PCDHGA2: variants seen among roughly 807,000 people sequenced by gnomAD.
The protein encoded by PCDHGA2 is protocadherin gamma subfamily A, 2.
PCDHGA2 carries 40 observed loss-of-function variants against 59.2 expected under a neutral mutation model. The ratio of observed to expected loss-of-function variants is 0.68; its 90% confidence interval spans 0.52 to 0.88. The LOEUF (loss-of-function observed/expected upper bound fraction) is 0.88, where lower values mean the gene tolerates loss of function less well. Ranked by LOEUF, PCDHGA2 falls within the 40% of genes least tolerant of loss-of-function variation. The probability of loss-of-function intolerance (pLI) is 0.00; values close to 1 mark genes in which losing one functional copy is unlikely to be tolerated. For synonymous variants in PCDHGA2, 560 were observed against 526.0 expected (o/e 1.06, Z -0.89); for missense variants, 1,226 against 1,204.0 (o/e 1.02, Z -0.27).
chr5:141,443,163 T>C (rs1054542792), intron 1 of PCDHGA2, among the ~76,000 whole-genome samples: 3 of 152,172 alleles, frequency 2.0e-5, no homozygotes, highest in Non-Finnish European at 4.4e-5. Context: ...TTTATTTCCC[T>C]ACCCATGTCC....
rs375476706 is a variant in PCDHGA2, at chr5:141,351,961, C to T, written c.2424+10566C>T. ...TGTACCCCGCGCTGGGGCCTGATGG[C>T]TCCGCCCTCTTCGATATGGTGCCAC... is the stretch of plus-strand genomic sequence containing the variant. On this transcript the variant is annotated intron_variant, in intron 1 of 3. Transcript: ENST00000394576. The T allele has an allele frequency of 5.8e-4, 931 of 1,612,866 alleles. 2 individuals are homozygous for T. Among genetic ancestry groups the T allele is most frequent in the Middle Eastern group, 2.9e-3 (17 of 5,916 alleles).
intron 1 of PCDHGA2, chr5:141,422,864 AC>A (rs2096680510): frequency 1.9e-6 from 3 of 1,614,190 alleles, no homozygotes; most frequent in Non-Finnish European, 2.5e-6. Flanking sequence ...CTCAGCAGCA[AC>A]GTGTCGCTGA....
At chr5:141,400,440 A>G (rs1351638844) in intron 1 of PCDHGA2, 2 of 1,614,094 alleles carry the variant, frequency 1.2e-6, no homozygotes, top group Non-Finnish European at 1.7e-6. Context: ...AATTGAGTTC[A>G]GGACAAGACA....
At chr5:141,498,863 G>A (rs1311199561) in intron 2 of PCDHGA2, among the ~76,000 whole-genome samples, 2 of 151,466 alleles carry the variant, frequency 1.3e-5, no homozygotes, top group South Asian at 2.1e-4. Context: ...AACCCAGGAG[G>A]CGGAGGTTGC....
intron 1 of PCDHGA2, among the ~76,000 whole-genome samples, chr5:141,386,387 C>T (rs1416257552): frequency 6.6e-6 from 1 of 152,092 alleles, no homozygotes; most frequent in Admixed American, 6.5e-5. Context: ...TAATTAAAAA[C>T]ACACTTTTAG....
rs371350905 is a variant in PCDHGA2 at position 141,476,860 on chromosome 5, G to A, written c.2425-17947G>A. The A allele has an allele frequency of 6.7e-5, 108 of 1,613,762 alleles. No individual in the cohort carries two copies. The highest frequency in any genetic ancestry group is 1.6e-4 in the East Asian group (7 of 44,884). ...ATGCGCCTGTCTTCAACCAGTCCTT[G>A]TACCGGGCGCGCGTCCTGGAGGATG... is the stretch of plus-strand genomic sequence containing the variant. On this transcript the variant is annotated intron_variant, in intron 1 of 3. Transcript: ENST00000394576. This position sits in a 1 kb window ranked among gnomAD's most constrained non-coding sequence, Gnocchi z 7.6.
At chr5:141,450,810 AT>A (rs755484062) in intron 1 of PCDHGA2, among the ~76,000 whole-genome samples, 1 of 136,728 alleles carries the variant, frequency 7.3e-6, no homozygotes, top group Admixed American at 7.3e-5. Context: ...TTATTTATTT[AT>A]TTAATATTAT....
chr5:141,477,571 C>A lies in PCDHGA2; in HGVS notation c.2425-17236C>A, dbSNP rs1470454976. ...TAAACCTAAGTGTCTGGGACCCCGA[C>A]GCCCCGCAGAATGCTCGGCTTTCTT... is the stretch of plus-strand genomic sequence containing the variant. On this transcript the variant is annotated intron_variant, in intron 1 of 3. Coordinates refer to ENST00000394576, the MANE Select transcript of PCDHGA2 (RefSeq NM_018915.4). The surrounding 1 kb of genome is among the most constrained non-coding windows in gnomAD (Gnocchi z 4.9). The A allele has an allele frequency of 3.1e-6, 5 of 1,614,042 alleles. No homozygotes were observed. In the South Asian group the frequency reaches 4.4e-5, roughly 14 times the overall value.
At chr5:141,362,351 T>G (rs750661009) in intron 1 of PCDHGA2, 1 of 1,613,920 alleles carries the variant, frequency 6.2e-7, no homozygotes, top group East Asian at 2.2e-5. Context: ...GGACCTGGGG[T>G]TCTCCCCAAT....
chr5:141,362,004 G>A (rs779926353), intron 1 of PCDHGA2: 27 of 1,604,352 alleles, frequency 1.7e-5, no homozygotes, highest in African/African-American at 1.6e-4. Flanking sequence ...GGTTGCGCAC[G>A]GGTGAGGTGC....
At chr5:141,495,095 G>C (rs67264863) in intron 2 of PCDHGA2, among the ~76,000 whole-genome samples, 9,751 of 152,126 alleles carry the variant, frequency 0.064, 363 homozygotes, top group South Asian at 0.11. Context: ...TTCCCTCCTC[G>C]CCACGACCGG....
chr5:141,366,087 A>G, intron 1 of PCDHGA2: 1 of 1,614,230 alleles, frequency 6.2e-7, no homozygotes, highest in Non-Finnish European at 8.5e-7. Flanking sequence ...GAACCTGGCT[A>G]CCTGGTGACC....
chr5:141,370,171 C>T (rs1008611247), intron 1 of PCDHGA2: 18 of 460,518 alleles, frequency 3.9e-5, no homozygotes, highest in Middle Eastern at 5.5e-4. Flanking sequence ...GCAGAGGCGC[C>T]GGGTGCCGCT....
intron 1 of PCDHGA2, chr5:141,411,443 G>A (rs780563062): frequency 6.6e-6 from 1 of 151,948 alleles, no homozygotes; most frequent in African/African-American, 2.4e-5. Context: ...CATTAGCAGA[G>A]TGTGGTAGCA....
intron 1 of PCDHGA2, chr5:141,361,139 T>G (rs1305491971): frequency 1.2e-6 from 2 of 1,613,878 alleles, no homozygotes; most frequent in Non-Finnish European, 1.7e-6. Context: ...AGTATCCAAG[T>G]TGAAATTCTT....
At chr5:141,423,240 A>G (rs1260661059) in intron 1 of PCDHGA2, 1 of 1,613,932 alleles carries the variant, frequency 6.2e-7, no homozygotes, top group Middle Eastern at 1.6e-4. Context: ...GCATCCCCGA[A>G]GTCCTGGCGG....
chr5:141,375,490 C>T (rs752487734), intron 1 of PCDHGA2: 1 of 1,614,012 alleles, frequency 6.2e-7, no homozygotes, highest in East Asian at 2.2e-5. Context: ...CCAGGGGTGC[C>T]TCCATCTTCT....
rs374196270 is a variant in PCDHGA2 at position 141,339,154 on chromosome 5, G to A, written c.183G>A (p.Glu61=). 99 of 1,614,100 alleles carry A rather than the reference G, an allele frequency of 6.1e-5. No homozygotes were observed. Among genetic ancestry groups the A allele is most frequent in the Middle Eastern group, 1.6e-4 (1 of 6,084 alleles). The change falls in exon 1 of 4, where the codon GAG becomes GAA. Residue 61 remains glutamate (E), a synonymous_variant. Transcript: ENST00000394576. The stretch of plus-strand genomic sequence containing the variant: ...GTTTGGAGCCCCTGGCACTGGCAGA[G>A]CAGGGAGTCCGCATCGTCTCCAGAG... ...DLGLEPLALA[E]QGVRIVSRGR...
At chr5:141,421,979 G>A in intron 1 of PCDHGA2, 1 of 1,609,702 alleles carries the variant, frequency 6.2e-7, no homozygotes, top group Non-Finnish European at 8.5e-7. Context: ...TATCGCGTGA[G>A]TGTTCCAGAA....
Sources: allele counts gnomAD v4.1 joint callset (sites outside exome capture counted in the v4.1 genomes callset), GRCh38; gene constraint gnomAD v4.1.1; non-coding constraint Gnocchi (gnomAD v3.1); transcripts MANE v1.5; gene names NCBI Gene and HGNC (gene_info 2026-07-23, HGNC 2026-07-21).